SHANK2: variants seen among roughly 807,000 people sequenced by gnomAD.
SHANK2 encodes the protein SH3 and multiple ankyrin repeat domains protein 2.
In SHANK2, 43 loss-of-function variants were observed where a neutral mutation model predicts 133.7. That is an observed-to-expected ratio of 0.32 (90% CI 0.25 to 0.41). SHANK2 has a LOEUF of 0.41. Among genes scored for constraint, SHANK2 ranks in the 10% least tolerant of loss-of-function variants. The pLI is 1.00. For missense variants in SHANK2, 1,994 were observed against 2,235.8 expected (o/e 0.89, Z 2.18); for synonymous variants, 1,017 against 952.8 (o/e 1.07, Z -1.24).
At chr11:71,172,945 G>A (rs997456964) in intron 2 of SHANK2, among the ~76,000 whole-genome samples, 1 of 152,216 alleles carries the variant, frequency 6.6e-6, no homozygotes, top group Non-Finnish European at 1.5e-5. Flanking sequence ...AGACACTCTC[G>A]TGGGCTGCAT....
chr11:70,506,191 C>T (rs797035594), intron 17 of SHANK2, among the ~76,000 whole-genome samples: 1 of 152,190 alleles, frequency 6.6e-6, no homozygotes, highest in African/African-American at 2.4e-5. Flanking sequence ...TGTCTGTAGC[C>T]GACAGCCTGG....
chr11:70,472,475 A>G lies in SHANK2; in HGVS notation c.*394T>C, dbSNP rs900322730. 6.4e-5 allele frequency: 18 copies of G among 281,794 alleles called. 1 individual carries two copies. The highest frequency in any genetic ancestry group is 1.2e-4 in the Non-Finnish European group (18 of 146,320). 17.5% of individuals were successfully genotyped at this position (281,794 alleles called of 1,614,324 possible). A position where few individuals can be genotyped will look rare whatever the true frequency, so the allele number is the denominator to read the frequency against. On this transcript the variant is annotated 3_prime_UTR_variant, in exon 26 of 26. Coordinates refer to ENST00000601538, the MANE Select transcript of SHANK2 (RefSeq NM_012309.5). The surrounding 1 kb of genome is among the most constrained non-coding windows in gnomAD (Gnocchi z 4.4). ...GGGTGGTGAGAGCTGCCCGGAAAGCAGAGGACGGAGGTCTCAGGAGGTATC... is the reference window on the plus strand; with the variant it reads ...GGGTGGTGAGAGCTGCCCGGAAAGCGGAGGACGGAGGTCTCAGGAGGTATC...
chr11:70,591,666 T>C (rs1163579678), intron 17 of SHANK2, among the ~76,000 whole-genome samples: 6 of 152,166 alleles, frequency 3.9e-5, no homozygotes, highest in Non-Finnish European at 5.9e-5. Flanking sequence ...CCTGAAATAG[T>C]GTTTTCTCTC....
chr11:70,694,969 G>T (rs2134463129), intron 15 of SHANK2, among the ~76,000 whole-genome samples: 1 of 152,212 alleles, frequency 6.6e-6, no homozygotes, highest in South Asian at 2.1e-4. Flanking sequence ...GGCCAGTTCT[G>T]CTGGTCCTGG....
rs375810414 is a variant in SHANK2 at position 70,613,763 on chromosome 11, G to T, written c.2061+46065C>A. Among the ~76,000 whole-genome samples the T allele has an allele frequency of 1.3e-3, 163 of 123,758 alleles. 1 individual carries two copies. Among genetic ancestry groups the T allele is most frequent in the Admixed American group, 1.2e-3 (13 of 10,796 alleles). 81.2% of individuals were successfully genotyped at this position (123,758 alleles called of 152,430 possible). On this transcript the variant is annotated intron_variant, in intron 17 of 25. Coordinates refer to ENST00000601538, the MANE Select transcript of SHANK2 (RefSeq NM_012309.5). ...TGTCCTTGTAAGAAGAGGGGAACTT[G>T]TTTTTTTTTTTTTTTCTTTGAGATG...
At chr11:70,492,300 C>G (rs371201467) in intron 22 of SHANK2, 35 bp downstream of exon 22, 1 of 1,604,924 alleles carries the variant, frequency 6.2e-7, no homozygotes, top group Non-Finnish European at 8.5e-7. Flanking sequence ...CACCGTCGGC[C>G]CCCGCCCTCG....
chr11:70,862,757 G>T, intron 11 of SHANK2: 1 of 278,630 alleles, frequency 3.6e-6, no homozygotes. Context: ...CTTGGGGTGG[G>T]GGTGGGGAGC....
intron 15 of SHANK2, among the ~76,000 whole-genome samples, chr11:70,695,727 C>T (rs184365651): frequency 1.4e-4 from 21 of 152,338 alleles, no homozygotes; most frequent in African/African-American, 5.1e-4. Context: ...ACCTGCGTTA[C>T]CAGGTTGCTG....
chr11:71,166,898 C>G (rs1480703863), intron 2 of SHANK2, among the ~76,000 whole-genome samples: 6 of 138,974 alleles, frequency 4.3e-5, no homozygotes, highest in African/African-American at 1.5e-4. Context: ...AACAAGTGAA[C>G]AAAGGTCTCT....
In SHANK2 at chr11:70,739,772, G is replaced by A. The variant is rs1323516521; in HGVS notation, c.1778-41009C>T. Among the ~76,000 whole-genome samples the A allele has an allele frequency of 6.6e-6, 1 of 152,188 alleles. No individual in the cohort carries two copies. On this transcript the variant is annotated intron_variant, in intron 14 of 25. Transcript: ENST00000601538. This position sits in a 1 kb window ranked among gnomAD's most constrained non-coding sequence, Gnocchi z 4.3. Reference sequence around the variant, plus strand: ...AAAGAGGTGATTAAGTTAAAACGAGGTACTGTGATGGGCCCTCATCCAGCA... The same window carrying A: ...AAAGAGGTGATTAAGTTAAAACGAGATACTGTGATGGGCCCTCATCCAGCA...
At chr11:70,905,150 T>C (rs1366508775) in intron 10 of SHANK2, among the ~76,000 whole-genome samples, 3 of 152,014 alleles carry the variant, frequency 2.0e-5, no homozygotes, top group African/African-American at 7.2e-5. Context: ...TGGTGGGAAA[T>C]GAGCCAGCCA....
chr11:70,914,883 G>A (rs1395010484), intron 10 of SHANK2, among the ~76,000 whole-genome samples: 1 of 140,274 alleles, frequency 7.1e-6, no homozygotes, highest in African/African-American at 2.7e-5. Context: ...TGTTGACAAA[G>A]CGAGACTCTG....
chr11:70,511,669 C>T (rs1412815449), intron 17 of SHANK2, among the ~76,000 whole-genome samples: 1 of 152,014 alleles, frequency 6.6e-6, no homozygotes, highest in Non-Finnish European at 1.5e-5. Flanking sequence ...CCAGATAACT[C>T]CAAAAAAAGA....
intron 14 of SHANK2, among the ~76,000 whole-genome samples, chr11:70,699,344 G>A (rs1945471888): frequency 6.6e-6 from 1 of 151,756 alleles, no homozygotes; most frequent in Non-Finnish European, 1.5e-5. Flanking sequence ...AAATTTCATG[G>A]GAAATGATAT....
At chr11:70,630,361 C>G (rs1192963296) in intron 17 of SHANK2, among the ~76,000 whole-genome samples, 2 of 152,190 alleles carry the variant, frequency 1.3e-5, no homozygotes, top group African/African-American at 4.8e-5. Flanking sequence ...CAATCAGACC[C>G]AGGCTGCCCA....
chr11:70,485,361 T>C lies in SHANK2; in HGVS notation c.4932A>G (p.Glu1644=). The C allele has an allele frequency of 6.2e-7, 1 of 1,613,958 alleles. No individual in the cohort carries two copies. Among genetic ancestry groups the C allele is most frequent in the Non-Finnish European group, 8.5e-7 (1 of 1,180,018 alleles). Residue 1644 remains glutamate, a synonymous_variant, in exon 25 of 26, where the codon GAA becomes GAG. Transcript: ENST00000601538. The surrounding 1 kb of genome is among the most constrained non-coding windows in gnomAD (Gnocchi z 5.8). ...MNREKLAKPG[E]GLDSPMGAKS... is the part of the protein sequence containing the mutation. The stretch of plus-strand genomic sequence containing the variant: ...TGGCTCCCATTGGTGAATCCAGTCC[T>C]TCCCCCGGCTTTGCCAATTTCTCTC...
chr11:70,515,637 GAAA>G (rs58440823), intron 17 of SHANK2, among the ~76,000 whole-genome samples: 1 of 79,956 alleles, frequency 1.3e-5, no homozygotes, highest in East Asian at 3.8e-4. Context: ...CTCGTTCCTT[GAAA>G]AAAAAAAAAA....
intron 17 of SHANK2, among the ~76,000 whole-genome samples, chr11:70,592,040 A>C (rs1186124434): frequency 6.9e-6 from 1 of 144,524 alleles, no homozygotes; most frequent in Non-Finnish European, 1.5e-5. Flanking sequence ...CTAAAAAAAA[A>C]ATAAATAAAT....
intron 1 of SHANK2, among the ~76,000 whole-genome samples, chr11:71,230,479 G>C (rs990277925): frequency 2.0e-5 from 3 of 151,804 alleles, no homozygotes; most frequent in African/African-American, 7.3e-5. Flanking sequence ...TGAGGCAGGA[G>C]AATGGCGTGA....
Sources: allele counts gnomAD v4.1 joint callset (sites outside exome capture counted in the v4.1 genomes callset), GRCh38; gene constraint gnomAD v4.1.1; non-coding constraint Gnocchi (gnomAD v3.1); transcripts MANE v1.5; gene names NCBI Gene and HGNC (gene_info 2026-07-23, HGNC 2026-07-21).